BNC2: variants seen among roughly 807,000 people sequenced by gnomAD.
BNC2 encodes zinc finger protein basonuclin-2.
In BNC2, 20 loss-of-function variants were observed where a neutral mutation model predicts 76.3. That is an observed-to-expected ratio of 0.26 (90% CI 0.18 to 0.38). The LOEUF is 0.38. BNC2 is among the 10% of genes least tolerant of loss of function. The pLI, the probability that BNC2 is intolerant of heterozygous loss-of-function variation, is 1.00. For synonymous variants in BNC2, 582 were observed against 514.8 expected (o/e 1.13, Z -1.77); for missense variants, 1,382 against 1,399.8 (o/e 0.99, Z 0.20).
intron 5 of BNC2, among the ~76,000 whole-genome samples, chr9:16,527,699 A>G (rs1362411088): frequency 6.6e-6 from 1 of 152,182 alleles, no homozygotes; most frequent in African/African-American, 2.4e-5. Context: ...GAGAGGCAAA[A>G]AAGATTATTT....
Position 16,453,272 on chromosome 9 carries a change from TA to T in BNC2, c.670-15749del, listed in dbSNP as rs1821380150. 2.0e-5 allele frequency among the ~76,000 whole-genome samples: 3 copies of T among 152,292 alleles called. No homozygotes were observed. In the South Asian group the frequency reaches 6.2e-4, roughly 32 times the overall value. On this transcript the variant is annotated intron_variant, in intron 5 of 6. Coordinates refer to ENST00000380672, the MANE Select transcript of BNC2 (RefSeq NM_017637.6). ...AAAACTGAGGTGCGTCAAAGTTGTC[TA>T]ATATCATGAAGTGAGTAATTTTCGA... is the stretch of plus-strand genomic sequence containing the variant.
intron 1 of BNC2, among the ~76,000 whole-genome samples, chr9:16,752,053 A>G (rs918539020): frequency 6.6e-6 from 1 of 152,138 alleles, no homozygotes; most frequent in African/African-American, 2.4e-5. Flanking sequence ...TCTTAATAAC[A>G]TAAAGATCCA....
At chr9:16,643,656 G>A (rs958557) in intron 3 of BNC2, among the ~76,000 whole-genome samples, 61,147 of 151,734 alleles carry the variant, frequency 0.4, 12,664 homozygotes, top group East Asian at 0.52. Context: ...AAAATATGGA[G>A]AAATTATATT....
At chr9:16,856,944 A>T (rs1418837041) in intron 1 of BNC2, among the ~76,000 whole-genome samples, 1 of 152,202 alleles carries the variant, frequency 6.6e-6, no homozygotes, top group Admixed American at 6.5e-5. Flanking sequence ...GTATTGTTTC[A>T]GTTACTTACA....
chr9:16,831,242 C>T (rs1253461550), intron 1 of BNC2, among the ~76,000 whole-genome samples: 1 of 152,192 alleles, frequency 6.6e-6, no homozygotes, highest in African/African-American at 2.4e-5. Context: ...TAACAGATTT[C>T]CAAATAAAAT....
rs114602892 is a variant in BNC2, at chr9:16,627,368, T to G, written c.331-44283A>C. ...GCAAATGTCAAAGCATATTCCTATG[T>G]AAGGAGAACACAACACAGCAGCAAT... is the stretch of plus-strand genomic sequence containing the variant. On this transcript the variant is annotated intron_variant, in intron 3 of 6. Coordinates refer to ENST00000380672, the MANE Select transcript of BNC2 (RefSeq NM_017637.6). Among the ~76,000 whole-genome samples the G allele has an allele frequency of 8.0e-3, 1,214 of 152,274 alleles. 19 individuals carry two copies. Among genetic ancestry groups the G allele is most frequent in the African/African-American group, 0.028 (1,161 of 41,552 alleles).
rs369696892 is a variant in BNC2, at chr9:16,419,361, G to T, written c.2928C>A (p.Ser976=). The part of the protein sequence containing the change: ...SSLQSSSSIH[S]SRESDAGSDE... ...CGCTGCCTGCGTCGGATTCTCTGGA[G>T]GAATGGATACTGCTGCTGGACTGGA... Residue 976 remains serine, a synonymous_variant, in exon 7 of 7, where the codon TCC becomes TCA. Transcript: ENST00000380672. The T allele has an allele frequency of 3.7e-6, 6 of 1,608,522 alleles. No individual in the cohort carries two copies. In the East Asian group the frequency reaches 1.3e-4, roughly 36 times the overall value.
At chr9:16,730,262 G>C (rs931867842) in intron 2 of BNC2, among the ~76,000 whole-genome samples, 1 of 152,190 alleles carries the variant, frequency 6.6e-6, no homozygotes, top group Non-Finnish European at 1.5e-5. Context: ...CTCAGCAACG[G>C]ATCAATTACC....
chr9:16,760,577 C>A (rs1329635075), intron 1 of BNC2, among the ~76,000 whole-genome samples: 4 of 152,040 alleles, frequency 2.6e-5, no homozygotes, highest in African/African-American at 9.7e-5. Flanking sequence ...GATATGAATA[C>A]CAGGAGATCC....
At chr9:16,694,787 TC>T (rs1337151699) in intron 3 of BNC2, among the ~76,000 whole-genome samples, 3 of 151,584 alleles carry the variant, frequency 2.0e-5, no homozygotes, top group Admixed American at 6.6e-5. Flanking sequence ...TACTACACAA[TC>T]CCCCCTCCAA....
intron 1 of BNC2, among the ~76,000 whole-genome samples, chr9:16,800,384 G>A (rs1817751845): frequency 6.6e-6 from 1 of 152,152 alleles, no homozygotes; most frequent in African/African-American, 2.4e-5. Flanking sequence ...TATAACCAAG[G>A]AGCACAGCGT....
At chr9:16,570,789 C>T (rs948198089) in intron 4 of BNC2, among the ~76,000 whole-genome samples, 7 of 152,126 alleles carry the variant, frequency 4.6e-5, no homozygotes, top group Non-Finnish European at 1.0e-4. Context: ...GGCAAAAACT[C>T]TTTTGGGATT....
At chr9:16,665,162 A>T (rs1822233421) in intron 3 of BNC2, 1 of 430,986 alleles carries the variant, frequency 2.3e-6, no homozygotes, top group African/African-American at 2.1e-5. Flanking sequence ...TGAGGTCAGG[A>T]GTTTGAGACC....
At chr9:16,420,703 T>TATATA (rs1354142961) in intron 6 of BNC2, among the ~76,000 whole-genome samples, 1 of 138,710 alleles carries the variant, frequency 7.2e-6, no homozygotes, top group Admixed American at 7.8e-5. Flanking sequence ...ACATATTTTT[T>TATATA]TACATATATA....
chr9:16,580,929 G>A (rs1819614422), intron 4 of BNC2, among the ~76,000 whole-genome samples: 1 of 152,124 alleles, frequency 6.6e-6, no homozygotes, highest in African/African-American at 2.4e-5. Context: ...ATATTAACAT[G>A]TCATGAGGTG....
intron 3 of BNC2, among the ~76,000 whole-genome samples, chr9:16,620,995 T>C (rs1372219526): frequency 1.3e-5 from 2 of 152,210 alleles, no homozygotes; most frequent in Non-Finnish European, 2.9e-5. Flanking sequence ...CTGGTTCCGC[T>C]GTTGTCACAG....
chr9:16,521,152 G>A (rs1394240438), intron 5 of BNC2, among the ~76,000 whole-genome samples: 1 of 152,168 alleles, frequency 6.6e-6, no homozygotes, highest in Non-Finnish European at 1.5e-5. Context: ...AGCCTGCCCT[G>A]GGAGTTTTCT....
chr9:16,565,551 C>G (rs1819142885), intron 4 of BNC2, among the ~76,000 whole-genome samples: 1 of 152,114 alleles, frequency 6.6e-6, no homozygotes, highest in South Asian at 2.1e-4. Flanking sequence ...TGGCTCATGC[C>G]TGTAATCCAG....
Position 16,742,363 on chromosome 9 carries a change from A to C in BNC2, c.4-3878T>G, listed in dbSNP as rs549583640. ...GCCTGATTTCTGTCTCCAGAACTGC[A>C]ATTGTGGTCCAAAGTCACACCAGCT... On this transcript the variant is annotated intron_variant, in intron 1 of 6. Coordinates refer to ENST00000380672, the MANE Select transcript of BNC2 (RefSeq NM_017637.6). Among the ~76,000 whole-genome samples the C allele has an allele frequency of 5.9e-5, 9 of 152,348 alleles. No homozygotes were observed. The South Asian group carries it at 1.9e-3, about 32-fold the overall frequency.
Sources: gnomAD v4.1 joint callset for allele counts (sites outside exome capture counted in the v4.1 genomes callset) on GRCh38, gnomAD v4.1.1 for gene constraint, MANE v1.5 for transcripts, NCBI Gene and HGNC (gene_info 2026-07-23, HGNC 2026-07-21) for gene names.